Variants in GRID2 observed in about 807,000 individuals in gnomAD.
GRID2 encodes glutamate receptor ionotropic, delta-2.
Under a neutral mutation model 114.8 loss-of-function variants are expected in GRID2, and 33 were observed. That is an observed-to-expected ratio of 0.29 (90% CI 0.22 to 0.38). GRID2 has a LOEUF of 0.38. Ranked by LOEUF, GRID2 falls within the 10% of genes least tolerant of loss-of-function variation. GRID2 has a pLI of 1.00. For missense variants in GRID2, 1,184 were observed against 1,257.7 expected, an observed-to-expected ratio of 0.94 and a Z score of 0.89; for synonymous variants, 505 against 449.9, an observed-to-expected ratio of 1.12 and a Z score of -1.55.
chr4:92,699,605 T>A (rs1355530203), intron 2 of GRID2, among the ~76,000 whole-genome samples: 1 of 152,208 alleles, frequency 6.6e-6, no homozygotes, highest in East Asian at 1.9e-4. Flanking sequence ...CTTCTCTTGT[T>A]TTGAAAATAA....
At chr4:92,856,157 T>C (rs1392959778) in intron 2 of GRID2, among the ~76,000 whole-genome samples, 2 of 152,086 alleles carry the variant, frequency 1.3e-5, no homozygotes, top group Admixed American at 6.6e-5. Context: ...TACAGAGAGA[T>C]CCAGTTTCAA....
chr4:93,672,279 C>A (rs1052424520), intron 14 of GRID2, among the ~76,000 whole-genome samples: 2 of 152,166 alleles, frequency 1.3e-5, no homozygotes, highest in Admixed American at 6.5e-5. Context: ...AAGGGGGAAC[C>A]CCCCCACCAC....
chr4:93,511,831 C>T (rs1729218882), intron 12 of GRID2, among the ~76,000 whole-genome samples: 1 of 149,640 alleles, frequency 6.7e-6, no homozygotes, highest in Non-Finnish European at 1.5e-5. Flanking sequence ...GTCGCCCAGG[C>T]TAGAGTGCAA....
chr4:92,460,573 C>T (rs1360765679), intron 1 of GRID2, among the ~76,000 whole-genome samples: 2 of 151,974 alleles, frequency 1.3e-5, no homozygotes, highest in East Asian at 1.9e-4. Flanking sequence ...AATTTTTACA[C>T]TTACTGCTGT....
intron 8 of GRID2, among the ~76,000 whole-genome samples, chr4:93,309,051 ACATACTAAATATTTT>A (rs1357105182): frequency 6.6e-6 from 1 of 152,108 alleles, no homozygotes; most frequent in Non-Finnish European, 1.5e-5. Context: ...TTTTACTTTT[ACATACTAAATATTTT>A]ATCTAGCAGT....
chr4:93,616,688 A>G (rs2149675866), intron 13 of GRID2, among the ~76,000 whole-genome samples: 1 of 151,156 alleles, frequency 6.6e-6, no homozygotes, highest in Non-Finnish European at 1.5e-5. Context: ...TCTATAGAAT[A>G]TGCAGGTAGA....
intron 4 of GRID2, among the ~76,000 whole-genome samples, chr4:93,135,828 T>C (rs949947098): frequency 1.3e-5 from 2 of 152,206 alleles, no homozygotes; most frequent in African/African-American, 4.8e-5. Flanking sequence ...GAAGTCATGA[T>C]GGTGTTTTGA....
rs1352956600 is a variant in GRID2 at position 93,306,320 on chromosome 4, A to G, written c.1245+67830A>G. 5 of 152,208 alleles carry G rather than the reference A, an allele frequency of 3.3e-5. No individual in the cohort carries two copies. In the East Asian group the frequency reaches 9.6e-4, roughly 29 times the overall value. 9.4% of individuals were successfully genotyped at this position (152,208 alleles called of 1,614,324 possible). On this transcript the variant is annotated intron_variant, in intron 8 of 15. Transcript: ENST00000282020. ...TCTTCATTCATTAAACATTTTCCAG[A>G]TGTGAGATTGCTCATTTCATTCGTC... is the stretch of plus-strand genomic sequence containing the variant.
At chr4:93,148,093 G>C (rs1736417475) in intron 4 of GRID2, among the ~76,000 whole-genome samples, 1 of 152,170 alleles carries the variant, frequency 6.6e-6, no homozygotes, top group Admixed American at 6.6e-5. Flanking sequence ...GAATAATATG[G>C]AAGGATAGAA....
chr4:92,734,078 A>G (rs1168975966), intron 2 of GRID2, among the ~76,000 whole-genome samples: 1 of 152,092 alleles, frequency 6.6e-6, no homozygotes, highest in East Asian at 1.9e-4. Flanking sequence ...GATTTTTTTC[A>G]AAGGAACATG....
At chr4:92,943,417 T>C (rs570684121) in intron 2 of GRID2, among the ~76,000 whole-genome samples, 6 of 152,292 alleles carry the variant, frequency 3.9e-5, no homozygotes, top group South Asian at 4.1e-4. Flanking sequence ...CATGCCATGG[T>C]TTTCAGCTCC....
At chr4:92,747,869 A>T (rs768452506) in intron 2 of GRID2, among the ~76,000 whole-genome samples, 1 of 152,186 alleles carries the variant, frequency 6.6e-6, no homozygotes, top group Admixed American at 6.5e-5. Flanking sequence ...TCCTCTGATC[A>T]TACATGGACT....
At chr4:92,914,197 G>A (rs1485852036) in intron 2 of GRID2, among the ~76,000 whole-genome samples, 1 of 152,036 alleles carries the variant, frequency 6.6e-6, no homozygotes, top group Non-Finnish European at 1.5e-5. Context: ...GAGATAAAAT[G>A]TAAACATATT....
intron 2 of GRID2, among the ~76,000 whole-genome samples, chr4:93,075,977 C>T (rs554629481): frequency 6.7e-4 from 94 of 140,072 alleles, no homozygotes; most frequent in African/African-American, 2.5e-3. Context: ...GATCTCGGCT[C>T]ACTGCAAGCT....
chr4:93,086,039 C>A (rs1730305323), intron 3 of GRID2, among the ~76,000 whole-genome samples: 1 of 151,960 alleles, frequency 6.6e-6, no homozygotes, highest in Non-Finnish European at 1.5e-5. Flanking sequence ...TGACCGATCC[C>A]CAATATCTTA....
intron 1 of GRID2, among the ~76,000 whole-genome samples, chr4:92,510,671 T>C (rs1724199755): frequency 6.6e-6 from 1 of 151,730 alleles, no homozygotes; most frequent in African/African-American, 2.4e-5. Context: ...GTGACTATGG[T>C]TAACAATAAG....
chr4:92,919,132 T>C (rs1447301084), intron 2 of GRID2, among the ~76,000 whole-genome samples: 1 of 152,200 alleles, frequency 6.6e-6, no homozygotes, highest in Non-Finnish European at 1.5e-5. Flanking sequence ...TTCTAGTTTA[T>C]TTGTGTAGAG....
rs3076580 is a variant in GRID2, at chr4:92,329,993, AAGAGAGAG to A, written c.88+25275_88+25282del. ...AAAAAGGAAGAGGAGTATGGGAGGA[AAGAGAGAG>A]AGAGAGAGAGAGAGAGAGAGAGAGA... is the stretch of plus-strand genomic sequence containing the variant. On this transcript the variant is annotated intron_variant, in intron 1 of 15. Coordinates refer to ENST00000282020, the MANE Select transcript of GRID2 (RefSeq NM_001510.4). 5.0e-3 allele frequency among the ~76,000 whole-genome samples: 663 copies of A among 132,572 alleles called. 6 individuals are homozygous for A. Among genetic ancestry groups the A allele is most frequent in the African/African-American group, 0.017 (589 of 34,386 alleles). The allele number at this position is 132,572 out of a possible 152,430, so 87.0% of individuals were successfully genotyped here.
chr4:92,438,575 C>CTT (rs1254750624), intron 1 of GRID2, among the ~76,000 whole-genome samples: 1 of 137,086 alleles, frequency 7.3e-6, no homozygotes. Context: ...GGCAGTTTAC[C>CTT]TTCTGTGTGT....
Sources: allele counts gnomAD v4.1 joint callset (sites outside exome capture counted in the v4.1 genomes callset), GRCh38; gene constraint gnomAD v4.1.1; transcripts MANE v1.5; gene names NCBI Gene and HGNC (gene_info 2026-07-23, HGNC 2026-07-21).